NTRK1: variants seen among roughly 807,000 people sequenced by gnomAD.
The protein encoded by NTRK1 is neurotrophic receptor tyrosine kinase 1, also known as high affinity nerve growth factor receptor.
A neutral mutation model predicts 86.8 loss-of-function variants in NTRK1; 62 were observed. That is an observed-to-expected ratio of 0.71 (90% CI 0.58 to 0.88). NTRK1 has a LOEUF of 0.88. Among genes scored for constraint, NTRK1 ranks in the 40% least tolerant of loss-of-function variants. NTRK1 has a pLI of 0.00. For synonymous variants in NTRK1, 469 were observed against 456.6 expected (o/e 1.03, Z -0.35); for missense variants, 967 against 1,078.4 (o/e 0.90, Z 1.45).
intron 1 of NTRK1, among the ~76,000 whole-genome samples, chr1:156,817,639 C>T (rs549698557): frequency 5.1e-4 from 74 of 145,710 alleles, no homozygotes; most frequent in African/African-American, 1.9e-3. Context: ...TCAGTGTTGA[C>T]ATCTTTTTTT....
chr1:156,833,574 A>C (rs567786989), intron 1 of NTRK1, among the ~76,000 whole-genome samples: 1 of 152,322 alleles, frequency 6.6e-6, no homozygotes, highest in Middle Eastern at 3.4e-3. Flanking sequence ...TAAACAAAAA[A>C]AAGGTGTATG....
chr1:156,868,130 G>C lies in NTRK1; in HGVS notation c.455G>C (p.Cys152Ser), dbSNP rs2102892732. 6.2e-7 allele frequency: 1 copy of C among 1,613,934 alleles called. No individual in the cohort carries two copies. The highest frequency in any genetic ancestry group is 1.3e-5 in the African/African-American group (1 of 75,070). Residue 152 changes from cysteine to serine, a missense_variant, in exon 5 of 17, where the codon TGT (cysteine) becomes TCT (serine). This residue lies in a region of NTRK1 where 330 missense variants were observed against 302.0 expected (regional missense o/e 1.09). Transcript: ENST00000524377. ...ELVLSGNPLH[C>S]SCALRWLQRW... is the part of the protein sequence containing the mutation. ...GTCCTGTCGGGGAACCCTCTGCACT[G>C]TTCTTGTGCCCTGCGCTGGCTACAG... is the stretch of plus-strand genomic sequence containing the variant.
At chr1:156,867,353 C>T (rs953461472) in intron 4 of NTRK1, among the ~76,000 whole-genome samples, 4 of 152,256 alleles carry the variant, frequency 2.6e-5, no homozygotes, top group Non-Finnish European at 5.9e-5. Context: ...CTCTGGGGGG[C>T]TGTGCCCTTC....
chr1:156,869,056 C>T (rs1457432221), intron 6 of NTRK1, among the ~76,000 whole-genome samples: 5 of 148,100 alleles, frequency 3.4e-5, no homozygotes, highest in African/African-American at 7.5e-5. Flanking sequence ...TCCTTCCTTC[C>T]TTCCTTCCTT....
chr1:156,823,589 C>A (rs1654243790), intron 1 of NTRK1, among the ~76,000 whole-genome samples: 1 of 152,138 alleles, frequency 6.6e-6, no homozygotes, highest in Non-Finnish European at 1.5e-5. Flanking sequence ...CATCACTGCT[C>A]CCTCAAAAGA....
chr1:156,843,809 T>C lies in NTRK1; in HGVS notation c.50+1616T>C, dbSNP rs1372599746. Among the ~76,000 whole-genome samples the C allele has an allele frequency of 3.3e-5, 5 of 152,302 alleles. No homozygotes were observed. The South Asian group carries it at 1.0e-3, about 32-fold the overall frequency. ...CTGACATCAGGCATTCTGGAACACA[T>C]CCCCAGGCCTCCTGCTTCTTCTCCT... On this transcript the variant is annotated intron_variant, in intron 2 of 16. Coordinates refer to the NTRK1 transcript ENST00000392302.
intron 1 of NTRK1, among the ~76,000 whole-genome samples, chr1:156,835,636 A>G (rs1558079753): frequency 6.6e-6 from 1 of 152,220 alleles, no homozygotes; most frequent in Non-Finnish European, 1.5e-5. Context: ...TATTATCTGT[A>G]ACCTGCTCTT....
chr1:156,848,837 GCTC>G (rs1655097903), intron 2 of NTRK1: 1 of 1,479,350 alleles, frequency 6.8e-7, no homozygotes, highest in Non-Finnish European at 9.1e-7. Flanking sequence ...GCCTCGCTGA[GCTC>G]CGCCCTCACC....
Position 156,861,066 on chromosome 1 carries a change from C to T in NTRK1, c.132C>T (p.Gly44=), listed in dbSNP as rs1370714107. 1.3e-6 allele frequency: 2 copies of T among 1,568,930 alleles called. No homozygotes were observed. Among genetic ancestry groups the T allele is most frequent in the African/African-American group, 1.3e-5 (1 of 74,248 alleles). The part of the protein sequence containing the change: ...APCPDACCPH[G]SSGLRCTRDG... ...GCCCCGATGCCTGCTGCCCCCACGG[C>T]TCCTCGGGACTGCGATGCACCCGGG... is the stretch of plus-strand genomic sequence containing the variant. The change falls in exon 1 of 17, where the codon GGC becomes GGT. Residue 44 remains glycine, a synonymous_variant. Transcript: ENST00000524377.
At chr1:156,843,060 A>C in intron 2 of NTRK1, 1 of 1,614,170 alleles carries the variant, frequency 6.2e-7, no homozygotes. Context: ...AACTCAATGC[A>C]TTCCCGTGGG....
At chr1:156,851,996 TCAGCTGTGACACAGCGCC>T (rs762019007) in intron 2 of NTRK1, 7 of 1,611,986 alleles carry the variant, frequency 4.3e-6, no homozygotes, top group Non-Finnish European at 5.9e-6. Context: ...GGCACAGCGC[TCAGCTGTGACACAGCGCC>T]AGGACTCATA....
At chr1:156,844,495 T>C (rs1654916133) in intron 2 of NTRK1, 1 of 1,613,970 alleles carries the variant, frequency 6.2e-7, no homozygotes. Context: ...ACACTGTCTG[T>C]CCAAGAGCCA....
At chr1:156,834,802 A>C (rs1007259614) in intron 1 of NTRK1, among the ~76,000 whole-genome samples, 5 of 122,112 alleles carry the variant, frequency 4.1e-5, no homozygotes, top group African/African-American at 1.0e-4. Context: ...AGATTCAGGA[A>C]TGGGCCGGGG....
chr1:156,875,318 C>T (rs144247877), intron 11 of NTRK1, among the ~76,000 whole-genome samples: 124 of 151,986 alleles, frequency 8.2e-4, no homozygotes, highest in African/African-American at 2.8e-3. Flanking sequence ...TTCTTTGGTG[C>T]CCATGGGGCC....
At chr1:156,861,242 G>T in intron 1 of NTRK1, 96 bp downstream of exon 1, 1 of 1,401,308 alleles carries the variant, frequency 7.1e-7, no homozygotes, top group Non-Finnish European at 9.6e-7. Context: ...GGTCAGGCAG[G>T]ACGAGCACGG....
At chr1:156,841,349 T>A in intron 1 of NTRK1, 1 of 1,586,984 alleles carries the variant, frequency 6.3e-7, no homozygotes, top group East Asian at 2.2e-5. Flanking sequence ...GGGGGAGGGT[T>A]GTAGGTAGAT....
At chr1:156,843,400 C>T in intron 2 of NTRK1, 1 of 1,611,846 alleles carries the variant, frequency 6.2e-7, no homozygotes, top group Admixed American at 1.7e-5. Context: ...TTTCCCACAC[C>T]ACCTGTCCAC....
At position 156,879,113 on chromosome 1, in the gene NTRK1, T is replaced by G; in HGVS notation, c.1806-9T>G. ...CCCAGCCTATCCCCTCTCCTTTTCT[T>G]GTTCACAGATCCCATGGACCTGATG... On this transcript the variant is annotated splice_polypyrimidine_tract_variant and intron_variant, in intron 14 of 16. Coordinates refer to ENST00000524377, the MANE Select transcript of NTRK1 (RefSeq NM_002529.4). 6.2e-7 allele frequency: 1 copy of G among 1,611,986 alleles called. No individual in the cohort carries two copies. The highest frequency in any genetic ancestry group is 8.5e-7 in the Non-Finnish European group (1 of 1,179,650).
At chr1:156,874,783 G>A (rs1647794146) in intron 10 of NTRK1, 123 bp from the exon 11 acceptor site, 2 of 1,163,396 alleles carry the variant, frequency 1.7e-6, no homozygotes, top group South Asian at 1.2e-5. Flanking sequence ...CCCCAGGGGA[G>A]GATGAGGCAG....
Sources: allele counts gnomAD v4.1 joint callset (sites outside exome capture counted in the v4.1 genomes callset), GRCh38; gene constraint gnomAD v4.1.1; regional missense constraint gnomAD v4.1.1; transcripts MANE v1.5; gene names NCBI Gene and HGNC (gene_info 2026-07-23, HGNC 2026-07-21).